Variants in SLIT3 observed in about 807,000 individuals in gnomAD.
The protein encoded by SLIT3 is slit guidance ligand 3, also known as slit homolog 3 protein.
SLIT3 carries 68 observed loss-of-function variants against 184.0 expected under a neutral mutation model. The ratio of observed to expected loss-of-function variants is 0.37; its 90% confidence interval spans 0.30 to 0.45. SLIT3 has a LOEUF of 0.45. SLIT3 is among the 20% of genes least tolerant of loss of function. The pLI, the probability that SLIT3 is intolerant of heterozygous loss-of-function variation, is 1.00. For missense variants in SLIT3, 1,707 were observed against 2,026.0 expected (o/e 0.84, Z 3.02); for synonymous variants, 831 against 828.6 (o/e 1.00, Z -0.05).
At chr5:169,254,705 G>A (rs557390085) in intron 1 of SLIT3, among the ~76,000 whole-genome samples, 3 of 152,150 alleles carry the variant, frequency 2.0e-5, no homozygotes, top group Non-Finnish European at 4.4e-5. Flanking sequence ...AAAAGCAGAT[G>A]ATCTGAAGCC....
chr5:168,968,524 C>T (rs1220318027), intron 4 of SLIT3, among the ~76,000 whole-genome samples: 1 of 152,160 alleles, frequency 6.6e-6, no homozygotes, highest in Non-Finnish European at 1.5e-5. Context: ...AAAGGGAATC[C>T]TCCTATGAAC....
chr5:168,788,093 A>G (rs1158459417), intron 11 of SLIT3, among the ~76,000 whole-genome samples: 1 of 152,008 alleles, frequency 6.6e-6, no homozygotes, highest in Admixed American at 6.6e-5. Flanking sequence ...CCTACGAGAC[A>G]GGAAGCACCT....
intron 12 of SLIT3, among the ~76,000 whole-genome samples, chr5:168,782,391 C>T (rs140232756): frequency 8.5e-5 from 13 of 152,344 alleles, no homozygotes; most frequent in Admixed American, 3.9e-4. Flanking sequence ...AACAACGCAG[C>T]TTGCAGCTGT....
intron 4 of SLIT3, among the ~76,000 whole-genome samples, chr5:169,146,555 C>T (rs297833): frequency 0.023 from 3,445 of 152,218 alleles, 121 homozygotes; most frequent in East Asian, 0.089. Context: ...CTCCACACCC[C>T]CTTCTCTGTT....
chr5:168,717,881 C>G (rs1247110574), intron 23 of SLIT3, among the ~76,000 whole-genome samples: 1 of 152,020 alleles, frequency 6.6e-6, no homozygotes, highest in Non-Finnish European at 1.5e-5. Flanking sequence ...AGGATGGTCT[C>G]GATCTCCTGA....
chr5:168,997,968 T>C (rs1755571321), intron 4 of SLIT3, among the ~76,000 whole-genome samples: 2 of 152,100 alleles, frequency 1.3e-5, no homozygotes, highest in Admixed American at 1.3e-4. Context: ...AAGCTCTCTC[T>C]CTCTACCCGC....
At chr5:168,881,261 C>T (rs769946778) in intron 5 of SLIT3, among the ~76,000 whole-genome samples, 18 of 152,064 alleles carry the variant, frequency 1.2e-4, no homozygotes, top group African/African-American at 1.7e-4. Context: ...GAATCTTGAA[C>T]CTTTCAAGTC....
At chr5:168,999,144 G>A (rs1160482999) in intron 4 of SLIT3, among the ~76,000 whole-genome samples, 2 of 152,022 alleles carry the variant, frequency 1.3e-5, no homozygotes, top group Non-Finnish European at 2.9e-5. Flanking sequence ...TCGAATTCCT[G>A]GGCTCAAGGT....
intron 19 of SLIT3, 67 bp from the exon 20 acceptor site, chr5:168,748,501 A>T (rs1754582509): frequency 6.9e-7 from 1 of 1,440,628 alleles, no homozygotes; most frequent in South Asian, 1.4e-5. Context: ...GCCAGTGAGC[A>T]AGGCTGCGTG....
chr5:168,968,155 C>T (rs1417159328), intron 4 of SLIT3, among the ~76,000 whole-genome samples: 1 of 152,192 alleles, frequency 6.6e-6, no homozygotes, highest in Non-Finnish European at 1.5e-5. Context: ...AGTCATCTCC[C>T]CCTCTGCTTT....
chr5:169,276,496 A>C (rs1469667839), intron 1 of SLIT3, among the ~76,000 whole-genome samples: 1 of 152,192 alleles, frequency 6.6e-6, no homozygotes, highest in Non-Finnish European at 1.5e-5. Context: ...CTTCATTGGA[A>C]CAAAGAGGAT....
intron 8 of SLIT3, among the ~76,000 whole-genome samples, chr5:168,810,905 A>C (rs545203795): frequency 6.6e-6 from 1 of 152,194 alleles, no homozygotes; most frequent in East Asian, 1.9e-4. Flanking sequence ...GGCTGCTTGC[A>C]TGGGTATTGT....
intron 4 of SLIT3, among the ~76,000 whole-genome samples, chr5:168,961,477 C>A (rs1201666649): frequency 1.3e-5 from 2 of 152,052 alleles, no homozygotes; most frequent in Non-Finnish European, 2.9e-5. Context: ...AAAGATTAAC[C>A]AACATTAATA....
At chr5:169,109,514 T>G (rs190916) in intron 4 of SLIT3, among the ~76,000 whole-genome samples, 2 of 152,116 alleles carry the variant, frequency 1.3e-5, no homozygotes, top group East Asian at 3.9e-4. Context: ...TCCTGACACA[T>G]AGAAATGTGA....
At chr5:168,942,761 AGTT>A (rs142887990) in intron 4 of SLIT3, among the ~76,000 whole-genome samples, 53,493 of 151,640 alleles carry the variant, frequency 0.35, 9,989 homozygotes, top group African/African-American at 0.48. Flanking sequence ...GGGCCTCTGG[AGTT>A]TGTGGGGGGT....
At chr5:168,766,759 C>T (rs1254212704) in intron 14 of SLIT3, among the ~76,000 whole-genome samples, 4 of 152,346 alleles carry the variant, frequency 2.6e-5, no homozygotes, top group African/African-American at 4.8e-5. Context: ...GGAAAGGGAA[C>T]TTCTCCAGGC....
intron 6 of SLIT3, among the ~76,000 whole-genome samples, chr5:168,833,074 C>T (rs1010627013): frequency 6.6e-6 from 1 of 152,196 alleles, no homozygotes; most frequent in African/African-American, 2.4e-5. Context: ...TTTCTCCCCC[C>T]ACAACCATCA....
intron 1 of SLIT3, among the ~76,000 whole-genome samples, chr5:169,297,544 G>A (rs1365001797): frequency 6.6e-6 from 1 of 152,126 alleles, no homozygotes; most frequent in East Asian, 1.9e-4. Flanking sequence ...AATGGAGAAC[G>A]GAGAAAATGC....
chr5:168,917,112 A>G (rs1401016109), intron 4 of SLIT3, among the ~76,000 whole-genome samples: 2 of 152,230 alleles, frequency 1.3e-5, no homozygotes, highest in African/African-American at 4.8e-5. Flanking sequence ...TAGTGGGATG[A>G]TGAGTAACTA....
Sources: allele counts gnomAD v4.1 joint callset (sites outside exome capture counted in the v4.1 genomes callset), GRCh38; gene constraint gnomAD v4.1.1; transcripts MANE v1.5; gene names NCBI Gene and HGNC (gene_info 2026-07-23, HGNC 2026-07-21).